KCNQ5: variants seen among roughly 807,000 people sequenced by gnomAD.
KCNQ5 encodes the protein potassium voltage-gated channel subfamily Q member 5.
Under a neutral mutation model 98.2 loss-of-function variants are expected in KCNQ5, and 30 were observed. The observed-to-expected ratio is 0.31, with a 90% CI of 0.23 to 0.41. KCNQ5 has a LOEUF of 0.41. Among genes scored for constraint, KCNQ5 ranks in the 10% least tolerant of loss-of-function variants. KCNQ5 has a pLI of 1.00. For synonymous variants in KCNQ5, 458 were observed against 449.4 expected, an observed-to-expected ratio of 1.02 and a Z score of -0.24; for missense variants, 835 against 1,182.5, an observed-to-expected ratio of 0.71 and a Z score of 4.31.
rs570597815 is a variant in KCNQ5 at position 72,829,854 on chromosome 6, T to C, written c.399-174054T>C. 1.5e-3 allele frequency among the ~76,000 whole-genome samples: 225 copies of C among 152,266 alleles called. 1 individual carries two copies. Among genetic ancestry groups the C allele is most frequent in the African/African-American group, 5.3e-3 (219 of 41,562 alleles). On this transcript the variant is annotated intron_variant, in intron 1 of 13. Coordinates refer to ENST00000370398, the MANE Select transcript of KCNQ5 (RefSeq NM_019842.4). ...GTGGGAAAGTGGAACTAAAGACTTG[T>C]AGCAAACAAGTTGTGGGTAATTCCA...
At chr6:72,664,193 G>A (rs1766672402) in intron 1 of KCNQ5, among the ~76,000 whole-genome samples, 1 of 152,180 alleles carries the variant, frequency 6.6e-6, no homozygotes, top group African/African-American at 2.4e-5. Context: ...ATAGGGAAGT[G>A]CAAGAAAGGA....
intron 2 of KCNQ5, among the ~76,000 whole-genome samples, chr6:73,005,998 A>G (rs1056457248): frequency 2.9e-5 from 4 of 137,420 alleles, no homozygotes; most frequent in African/African-American, 1.5e-4. Flanking sequence ...TTATCTGGAC[A>G]CAAAAATTCA....
chr6:73,162,215 C>A (rs1777640870), intron 10 of KCNQ5, among the ~76,000 whole-genome samples: 2 of 152,164 alleles, frequency 1.3e-5, no homozygotes, highest in South Asian at 4.1e-4. Context: ...GCGTGAGCTG[C>A]CGCACCCAGC....
chr6:73,194,987 T>A lies in KCNQ5; in HGVS notation c.2372T>A (p.Val791Asp). 1 of 1,614,214 alleles carries A rather than the reference T, an allele frequency of 6.2e-7. No homozygotes were observed. The highest frequency in any genetic ancestry group is 8.5e-7 in the Non-Finnish European group (1 of 1,180,028). The change falls in exon 14 of 14, where the codon GTT becomes GAT. Residue 791 changes from valine (V) to aspartate (D), a missense_variant. Physicochemically the swap from Val to Asp is radical, Grantham distance 152. Around this residue, in one of 10 missense-constraint regions of KCNQ5, gnomAD observed 416 missense variants for 446.9 expected, o/e 0.93. Coordinates refer to ENST00000370398, the MANE Select transcript of KCNQ5 (RefSeq NM_019842.4). ...TGCCTTGTTGCCTCCAAGGAAAATGTTCAGGTTGCACAGTCAAATCTCACC... is the reference window on the plus strand; with the variant it reads ...TGCCTTGTTGCCTCCAAGGAAAATGATCAGGTTGCACAGTCAAATCTCACC... ...TTCLVASKEN[V>D]QVAQSNLTKD...
intron 1 of KCNQ5, among the ~76,000 whole-genome samples, chr6:73,001,485 G>A (rs967311517): frequency 6.6e-6 from 1 of 152,194 alleles, no homozygotes; most frequent in Admixed American, 6.5e-5. Flanking sequence ...AATAAGATGT[G>A]TTTCGAGCAC....
At chr6:72,977,802 A>T (rs962228168) in intron 1 of KCNQ5, among the ~76,000 whole-genome samples, 1 of 152,170 alleles carries the variant, frequency 6.6e-6, no homozygotes, top group Non-Finnish European at 1.5e-5. Flanking sequence ...TTATGTAATA[A>T]TACGTTGTTT....
intron 1 of KCNQ5, among the ~76,000 whole-genome samples, chr6:72,819,151 T>C (rs1295138087): frequency 6.6e-6 from 1 of 152,124 alleles, no homozygotes; most frequent in African/African-American, 2.4e-5. Flanking sequence ...TTTAATTTTT[T>C]AATTATTTTT....
At chr6:72,976,232 A>C (rs1319655800) in intron 1 of KCNQ5, among the ~76,000 whole-genome samples, 1 of 152,200 alleles carries the variant, frequency 6.6e-6, no homozygotes, top group African/African-American at 2.4e-5. Context: ...AGTCATAGAA[A>C]ATTGCAATGG....
At chr6:72,770,662 C>A (rs1561972257) in intron 1 of KCNQ5, among the ~76,000 whole-genome samples, 1 of 151,964 alleles carries the variant, frequency 6.6e-6, no homozygotes. Flanking sequence ...TTTTAGAGTG[C>A]TGTATTGCCT....
At chr6:72,767,578 C>T (rs1772643060) in intron 1 of KCNQ5, among the ~76,000 whole-genome samples, 1 of 151,818 alleles carries the variant, frequency 6.6e-6, no homozygotes. Context: ...AAAATATTTG[C>T]AAATTGCATA....
chr6:72,850,092 A>G (rs879173831), intron 1 of KCNQ5, among the ~76,000 whole-genome samples: 4 of 152,184 alleles, frequency 2.6e-5, no homozygotes, highest in Admixed American at 2.6e-4. Flanking sequence ...ATTTTATAAT[A>G]TTAGGGTCTT....
chr6:72,651,684 C>T (rs759854463), intron 1 of KCNQ5, among the ~76,000 whole-genome samples: 4 of 151,924 alleles, frequency 2.6e-5, no homozygotes, highest in South Asian at 2.1e-4. Flanking sequence ...TGAAAATAAA[C>T]GGCTGAGTAT....
chr6:72,721,377 A>T (rs1322916877), intron 1 of KCNQ5, among the ~76,000 whole-genome samples: 1 of 152,184 alleles, frequency 6.6e-6, no homozygotes, highest in Admixed American at 6.5e-5. Context: ...CTAGTGTGTA[A>T]ACAAGCTTAA....
chr6:72,922,824 T>C (rs1780467396), intron 1 of KCNQ5, among the ~76,000 whole-genome samples: 1 of 144,186 alleles, frequency 6.9e-6, no homozygotes, highest in African/African-American at 2.6e-5. Flanking sequence ...TTTTTTTTTT[T>C]TTTTTGAGAT....
chr6:72,786,504 G>A (rs918870896), intron 1 of KCNQ5, among the ~76,000 whole-genome samples: 3 of 152,124 alleles, frequency 2.0e-5, no homozygotes, highest in African/African-American at 7.2e-5. Flanking sequence ...ATTTGGGAAT[G>A]GGGAAGCAGT....
rs1284074128 is a variant in KCNQ5, at chr6:72,769,022, A to G, written c.398+146435A>G. On this transcript the variant is annotated intron_variant, in intron 1 of 13. Transcript: ENST00000370398. Reference sequence around the variant, plus strand: ...CCACTCTGCAAATAGTGAGTCTCCCAATCTTTGGCCCTAGCCCGGAAGTCC... The same window carrying G: ...CCACTCTGCAAATAGTGAGTCTCCCGATCTTTGGCCCTAGCCCGGAAGTCC... Among the ~76,000 whole-genome samples, 16 of 152,066 alleles carry G rather than the reference A, an allele frequency of 1.1e-4. 1 individual carries two copies. The highest frequency in any genetic ancestry group is 1.1e-3 in the Admixed American group (16 of 15,232).
At chr6:72,867,039 A>C (rs1053960375) in intron 1 of KCNQ5, among the ~76,000 whole-genome samples, 9 of 152,194 alleles carry the variant, frequency 5.9e-5, no homozygotes, top group African/African-American at 2.2e-4. Context: ...TATATTGGAT[A>C]TTTGAGAGGC....
At chr6:73,105,437 A>G in intron 6 of KCNQ5, 70 bp downstream of exon 6, 1 of 858,620 alleles carries the variant, frequency 1.2e-6, no homozygotes, top group Middle Eastern at 2.3e-4. Flanking sequence ...AGCTCTCACA[A>G]ATTCGTATGC....
chr6:72,900,243 T>C lies in KCNQ5; in HGVS notation c.399-103665T>C, dbSNP rs56368845. Among the ~76,000 whole-genome samples, 313 of 151,934 alleles carry C rather than the reference T, an allele frequency of 2.1e-3. 1 individual carries two copies. Among genetic ancestry groups the C allele is most frequent in the African/African-American group, 7.3e-3 (301 of 41,450 alleles). ...TCCTGAGTTACTTCACTTAGAATAA[T>C]AGCCTCCAATCTCATCCAGATCACT... On this transcript the variant is annotated intron_variant, in intron 1 of 13. Coordinates refer to ENST00000370398, the MANE Select transcript of KCNQ5 (RefSeq NM_019842.4).
Sources: gnomAD v4.1 joint callset for allele counts (sites outside exome capture counted in the v4.1 genomes callset) on GRCh38, gnomAD v4.1.1 for gene constraint, gnomAD v4.1.1 regional missense constraint, MANE v1.5 for transcripts, NCBI Gene and HGNC (gene_info 2026-07-23, HGNC 2026-07-21) for gene names.